NSMCE2: variants seen among roughly 807,000 people sequenced by gnomAD.
NSMCE2 encodes the protein NSE2 SUMO ligase component of SMC5/6 complex.
A neutral mutation model predicts 23.8 loss-of-function variants in NSMCE2; 24 were observed. That is an observed-to-expected ratio of 1.01 (90% CI 0.73 to 1.42). NSMCE2 has a LOEUF of 1.42. Among genes scored for constraint, NSMCE2 ranks in the 40% most tolerant of loss-of-function variants. The pLI is 0.00. For missense variants in NSMCE2, 284 were observed against 296.5 expected (o/e 0.96, Z 0.31); for synonymous variants, 92 against 94.1 (o/e 0.98, Z 0.13).
At chr8:125,093,722 C>CA (rs1817792601) in intron 1 of NSMCE2, among the ~76,000 whole-genome samples, 1 of 151,310 alleles carries the variant, frequency 6.6e-6, no homozygotes, top group Admixed American at 6.6e-5. Context: ...AACTCTGTCT[C>CA]AAAAAATAAA....
intron 5 of NSMCE2, among the ~76,000 whole-genome samples, chr8:125,294,007 A>C (rs574504506): frequency 1.3e-5 from 2 of 152,256 alleles, no homozygotes; most frequent in Admixed American, 6.5e-5. Context: ...CAACCACTAA[A>C]TCTACTTTCT....
intron 4 of NSMCE2, among the ~76,000 whole-genome samples, chr8:125,179,502 G>A (rs1017625404): frequency 5.3e-5 from 8 of 152,068 alleles, no homozygotes; most frequent in Admixed American, 5.2e-4. Context: ...GTGCCCATTT[G>A]TTTTATTGAT....
At position 125,349,973 on chromosome 8, in the gene NSMCE2, C is replaced by T. The variant is rs147386133; in HGVS notation, c.419-7246C>T. Among the ~76,000 whole-genome samples the T allele has an allele frequency of 1.9e-3, 287 of 152,320 alleles. 4 individuals are homozygous for T. The highest frequency in any genetic ancestry group is 3.7e-3 in the South Asian group (18 of 4,824). On this transcript the variant is annotated intron_variant, in intron 5 of 7. Transcript: ENST00000287437. Reference sequence around the variant, plus strand: ...ATGTGTGTATGTGTTTGTGTTGCCACGTCTGCTAAATATGTTAAGTGTAAT... The same window carrying T: ...ATGTGTGTATGTGTTTGTGTTGCCATGTCTGCTAAATATGTTAAGTGTAAT...
chr8:125,334,019 C>T (rs1490246171), intron 5 of NSMCE2, among the ~76,000 whole-genome samples: 3 of 152,092 alleles, frequency 2.0e-5, no homozygotes, highest in Middle Eastern at 3.2e-3. Context: ...CTGGGTCTGC[C>T]GTGGACTCAG....
At chr8:125,307,081 T>C (rs545399905) in intron 5 of NSMCE2, among the ~76,000 whole-genome samples, 2 of 152,354 alleles carry the variant, frequency 1.3e-5, no homozygotes, top group Non-Finnish European at 2.9e-5. Context: ...CAGCTCCCTG[T>C]TCACTTAACA....
intron 4 of NSMCE2, among the ~76,000 whole-genome samples, chr8:125,179,458 TCAAA>T (rs1384936865): frequency 6.6e-6 from 1 of 152,244 alleles, no homozygotes; most frequent in Non-Finnish European, 1.5e-5. Flanking sequence ...TCTTAGATAT[TCAAA>T]CAAAGCAAGA....
intron 3 of NSMCE2, among the ~76,000 whole-genome samples, chr8:125,122,180 A>T (rs1311201576): frequency 6.6e-6 from 1 of 151,316 alleles, no homozygotes; most frequent in Non-Finnish European, 1.5e-5. Flanking sequence ...GCCAAAAAAA[A>T]AAAAAAAAAA....
chr8:125,252,636 C>T (rs1826245921), intron 5 of NSMCE2, among the ~76,000 whole-genome samples: 2 of 152,218 alleles, frequency 1.3e-5, no homozygotes, highest in African/African-American at 4.8e-5. Context: ...TTGTAATTGG[C>T]AGTACACAAA....
chr8:125,131,566 G>A (rs527374088), intron 3 of NSMCE2, among the ~76,000 whole-genome samples: 1 of 152,168 alleles, frequency 6.6e-6, no homozygotes, highest in Admixed American at 6.6e-5. Flanking sequence ...CCAGCCAACA[G>A]GTGCAACACC....
intron 3 of NSMCE2, among the ~76,000 whole-genome samples, chr8:125,136,569 A>C (rs1455532683): frequency 6.6e-6 from 1 of 152,130 alleles, no homozygotes; most frequent in African/African-American, 2.4e-5. Flanking sequence ...CTGTGGTGTT[A>C]TAATTGATAC....
chr8:125,169,385 AT>A (rs1822054223), intron 4 of NSMCE2, among the ~76,000 whole-genome samples: 1 of 152,154 alleles, frequency 6.6e-6, no homozygotes, highest in Non-Finnish European at 1.5e-5. Context: ...TTAATGATAG[AT>A]TTGACATTCT....
chr8:125,325,717 C>T (rs890748104), intron 5 of NSMCE2, among the ~76,000 whole-genome samples: 22 of 152,042 alleles, frequency 1.4e-4, no homozygotes, highest in African/African-American at 4.3e-4. Flanking sequence ...TTTGGAAGAC[C>T]GAGGCAGGAG....
chr8:125,282,276 G>T (rs1827726399), intron 5 of NSMCE2, among the ~76,000 whole-genome samples: 1 of 152,018 alleles, frequency 6.6e-6, no homozygotes, highest in Non-Finnish European at 1.5e-5. Flanking sequence ...ACTACACCCA[G>T]CAAATTTTTG....
chr8:125,097,799 A>T (rs918357083), intron 1 of NSMCE2, among the ~76,000 whole-genome samples: 1 of 152,302 alleles, frequency 6.6e-6, no homozygotes, highest in Non-Finnish European at 1.5e-5. Context: ...GTTATATGAA[A>T]TGTATGATTT....
Position 125,357,207 on chromosome 8 carries a change from A to G in NSMCE2, c.419-12A>G, listed in dbSNP as rs1341609849. 1.9e-6 allele frequency: 3 copies of G among 1,560,224 alleles called. No individual in the cohort carries two copies. Among genetic ancestry groups the G allele is most frequent in the African/African-American group, 1.4e-5 (1 of 73,706 alleles). ...GACCAGAGAGGCTTATCAACTCTCCATTTTCCTCTAGGTGGTCTTCAAGCT... is the reference window on the plus strand; with the variant it reads ...GACCAGAGAGGCTTATCAACTCTCCGTTTTCCTCTAGGTGGTCTTCAAGCT... On this transcript the variant is annotated splice_polypyrimidine_tract_variant and intron_variant, in intron 5 of 7. Transcript: ENST00000287437.
intron 5 of NSMCE2, among the ~76,000 whole-genome samples, chr8:125,333,793 G>A (rs943232590): frequency 4.9e-4 from 75 of 152,094 alleles, no homozygotes; most frequent in Admixed American, 1.4e-3. Flanking sequence ...GATTACAGGC[G>A]TGAGCCACCG....
At chr8:125,332,068 A>G (rs1829901726) in intron 5 of NSMCE2, among the ~76,000 whole-genome samples, 1 of 152,232 alleles carries the variant, frequency 6.6e-6, no homozygotes, top group African/African-American at 2.4e-5. Flanking sequence ...CCACAGCCAG[A>G]TATGAAAACT....
At chr8:125,157,729 T>A (rs76830391) in intron 4 of NSMCE2, among the ~76,000 whole-genome samples, 3,276 of 152,308 alleles carry the variant, frequency 0.022, 127 homozygotes, top group African/African-American at 0.075. Flanking sequence ...TGAGACTGAT[T>A]TTCACCGTTA....
At chr8:125,355,021 A>G (rs1218621301) in intron 5 of NSMCE2, among the ~76,000 whole-genome samples, 2 of 152,246 alleles carry the variant, frequency 1.3e-5, no homozygotes, top group Admixed American at 6.5e-5. Flanking sequence ...TATGAAACAT[A>G]AATGAAATTC....
Sources: gnomAD v4.1 joint callset for allele counts (sites outside exome capture counted in the v4.1 genomes callset) on GRCh38, gnomAD v4.1.1 for gene constraint, MANE v1.5 for transcripts, NCBI Gene and HGNC (gene_info 2026-07-23, HGNC 2026-07-21) for gene names.